The following ZDHHC20 variants were observed in gnomAD, a reference collection of about 807,000 sequenced individuals.
ZDHHC20 encodes zDHHC palmitoyltransferase 20.
Under a neutral mutation model 57.8 loss-of-function variants are expected in ZDHHC20, and 43 were observed. That is an observed-to-expected ratio of 0.74 (90% CI 0.58 to 0.96). The LOEUF (loss-of-function observed/expected upper bound fraction) is 0.96, where lower values mean the gene tolerates loss of function less well. Among genes scored for constraint, ZDHHC20 ranks in the 40% least tolerant of loss-of-function variants. The pLI is 0.00. For missense variants in ZDHHC20, 391 were observed against 441.1 expected (o/e 0.89, Z 1.02); for synonymous variants, 157 against 153.0 (o/e 1.03, Z -0.19).
At chr13:21,379,811 T>TTTTTTTTC (rs1555253633) in intron 11 of ZDHHC20, among the ~76,000 whole-genome samples, 2 of 115,566 alleles carry the variant, frequency 1.7e-5, no homozygotes, top group Admixed American at 8.9e-5. Flanking sequence ...AGTGTGCTCT[T>TTTTTTTTC]TTTTTTCTTT....
In ZDHHC20 at chr13:21,430,218, C is replaced by T. The variant is rs140883851; in HGVS notation, c.119-4540G>A. 5.5e-3 allele frequency among the ~76,000 whole-genome samples: 830 copies of T among 152,156 alleles called. 12 individuals are homozygous for T. Among genetic ancestry groups the T allele is most frequent in the African/African-American group, 0.019 (787 of 41,524 alleles). On this transcript the variant is annotated intron_variant, in intron 1 of 12. Transcript: ENST00000400590. ...TGTTTTTGCAGGCCTCGTCTGACTC[C>T]GTGCAGTGAGAGATGTGGGAGCACC...
intron 4 of ZDHHC20, among the ~76,000 whole-genome samples, chr13:21,405,155 A>G (rs1391676600): frequency 1.3e-5 from 2 of 152,054 alleles, no homozygotes; most frequent in Non-Finnish European, 2.9e-5. Context: ...TAAATAATGG[A>G]CATGTATTAC....
At chr13:21,392,679 C>T (rs1315206419) in intron 7 of ZDHHC20, among the ~76,000 whole-genome samples, 1 of 152,180 alleles carries the variant, frequency 6.6e-6, no homozygotes, top group Admixed American at 6.6e-5. Context: ...TAAATGTTAG[C>T]TCTTAAAATA....
chr13:21,389,795 T>C (rs55678952), intron 8 of ZDHHC20, among the ~76,000 whole-genome samples: 14,753 of 152,240 alleles, frequency 0.097, 1,022 homozygotes, highest in Non-Finnish European at 0.14. Flanking sequence ...ACGGGCCTAC[T>C]ACCACTAGAT....
At chr13:21,415,820 T>G (rs925557585) in intron 3 of ZDHHC20, among the ~76,000 whole-genome samples, 2 of 152,152 alleles carry the variant, frequency 1.3e-5, no homozygotes, top group African/African-American at 4.8e-5. Context: ...TCAACAGATT[T>G]CCCTGGGCTA....
In ZDHHC20 at chr13:21,413,592, T is replaced by C. The variant is rs1879522778; in HGVS notation, c.370+60A>G. ...ATAGTCAAACCATGCAAATATATCC[T>C]GGCAGGAATAAGCATACTTTAAAAA... On this transcript the variant is annotated intron_variant, in intron 4 of 12. Transcript: ENST00000400590. The C allele has an allele frequency of 3.4e-6, 5 of 1,480,764 alleles. No individual in the cohort carries two copies. The African/African-American group carries it at 5.6e-5, about 17-fold the overall frequency. 91.7% of individuals were successfully genotyped at this position (1,480,764 alleles called of 1,614,324 possible). A position where few individuals can be genotyped will look rare whatever the true frequency, so the allele number is the denominator to read the frequency against.
At chr13:21,390,436 G>A (rs1377834535) in intron 8 of ZDHHC20, among the ~76,000 whole-genome samples, 1 of 151,996 alleles carries the variant, frequency 6.6e-6, no homozygotes, top group African/African-American at 2.4e-5. Context: ...TTTTTAAAAT[G>A]AGCAAACAAA....
At chr13:21,420,917 C>T in intron 3 of ZDHHC20, 144 bp downstream of exon 3, 2 of 624,138 alleles carry the variant, frequency 3.2e-6, no homozygotes, top group Non-Finnish European at 5.7e-6. Flanking sequence ...TGATGACTCA[C>T]ATTCACAGTA....
At chr13:21,453,001 T>C (rs773607604) in intron 1 of ZDHHC20, among the ~76,000 whole-genome samples, 70 of 152,246 alleles carry the variant, frequency 4.6e-4, no homozygotes, top group Non-Finnish European at 7.2e-4. Context: ...TAAATGTAGA[T>C]GGTCAAAACC....
chr13:21,391,588 T>A, intron 8 of ZDHHC20, 134 bp downstream of exon 8: 1 of 953,142 alleles, frequency 1.0e-6, no homozygotes, highest in Non-Finnish European at 1.5e-6. Flanking sequence ...CTGGGATTAT[T>A]AGGCACGTGC....
In ZDHHC20 at chr13:21,374,483, C is replaced by T; in HGVS notation, c.*2213G>A. The T allele has an allele frequency of 2.2e-6, 1 of 453,586 alleles. No homozygotes were observed. Among genetic ancestry groups the T allele is most frequent in the Non-Finnish European group, 4.4e-6 (1 of 225,684 alleles). The allele number at this position is 453,586 out of a possible 1,614,324, so 28.1% of individuals were successfully genotyped here. ...CCCCTGACCTCAGGTGATCCGCCAG[C>T]CTTGGCCTCCCAAAGTGCTGGGATT... On this transcript the variant is annotated 3_prime_UTR_variant, in exon 13 of 13. Coordinates refer to ENST00000400590, the MANE Select transcript of ZDHHC20 (RefSeq NM_001330059.2).
chr13:21,392,084 T>A (rs2137729648), intron 7 of ZDHHC20, among the ~76,000 whole-genome samples: 1 of 152,256 alleles, frequency 6.6e-6, no homozygotes, highest in African/African-American at 2.4e-5. Context: ...CTCTTAAATT[T>A]TTTTTAATTT....
chr13:21,454,009 T>C (rs1884691541), intron 1 of ZDHHC20, among the ~76,000 whole-genome samples: 1 of 151,974 alleles, frequency 6.6e-6, no homozygotes, highest in African/African-American at 2.4e-5. Flanking sequence ...ACCATGCCCA[T>C]CTAATTTTTT....
intron 3 of ZDHHC20, 124 bp from the exon 4 acceptor site, chr13:21,413,896 C>CA (rs199647775): frequency 2.4e-4 from 148 of 614,486 alleles, no homozygotes; most frequent in South Asian, 2.8e-4. Flanking sequence ...AACTTGTCTT[C>CA]AAAAAAAAGC....
At chr13:21,389,585 A>G (rs1267435179) in intron 8 of ZDHHC20, among the ~76,000 whole-genome samples, 1 of 152,204 alleles carries the variant, frequency 6.6e-6, no homozygotes, top group Non-Finnish European at 1.5e-5. Context: ...AAAAAGTTTG[A>G]AAAAGATTGT....
chr13:21,427,936 A>G (rs1271758942), intron 1 of ZDHHC20, among the ~76,000 whole-genome samples: 1 of 151,360 alleles, frequency 6.6e-6, no homozygotes, highest in Non-Finnish European at 1.5e-5. Flanking sequence ...CTCGGTATAT[A>G]TTCCTACAAC....
Position 21,459,157 on chromosome 13 carries a change from C to T in ZDHHC20, c.15G>A (p.Thr5=). The change falls in exon 1 of 13, where the codon ACG becomes ACA. Residue 5 remains threonine (T), a synonymous_variant. Coordinates refer to ENST00000400590, the MANE Select transcript of ZDHHC20 (RefSeq NM_001330059.2). ...CGACGCGCTGGCAGCAGCGCCACAG[C>T]GTCCAGGGCGCCATGTTCCGCTGGC... MAPW[T]LWRCCQRVVG... The T allele has an allele frequency of 6.2e-7, 1 of 1,600,836 alleles. No homozygotes were observed. The highest frequency in any genetic ancestry group is 8.5e-7 in the Non-Finnish European group (1 of 1,175,070).
chr13:21,410,950 G>A (rs1189889058), intron 4 of ZDHHC20, among the ~76,000 whole-genome samples: 3 of 152,162 alleles, frequency 2.0e-5, no homozygotes, highest in African/African-American at 4.8e-5. Context: ...TGCCCAAATG[G>A]CCACCCACTT....
At position 21,413,685 on chromosome 13, in the gene ZDHHC20, C is replaced by T; in HGVS notation, c.337G>A (p.Ala113Thr). 6.2e-7 allele frequency: 1 copy of T among 1,610,298 alleles called. No homozygotes were observed. Among genetic ancestry groups the T allele is most frequent in the Non-Finnish European group, 8.5e-7 (1 of 1,179,224 alleles). Residue 113 changes from alanine to threonine, a missense_variant, in exon 4 of 13, where the codon GCT (alanine) becomes ACT (threonine). Physicochemically the swap from Ala to Thr is moderately conservative, Grantham distance 58. Coordinates refer to ENST00000400590, the MANE Select transcript of ZDHHC20 (RefSeq NM_001330059.2). ...QQEILRRAAR[A>T]LPIYTTSASK... ...GCTGATGTGGTATAGATAGGTAAAG[C>T]TCTTGCTGCTCTTCTCAAAATTTCT...
Sources: allele counts gnomAD v4.1 joint callset (sites outside exome capture counted in the v4.1 genomes callset), GRCh38; gene constraint gnomAD v4.1.1; transcripts MANE v1.5; gene names NCBI Gene and HGNC (gene_info 2026-07-23, HGNC 2026-07-21).